Variants in NTRK3 observed in about 807,000 individuals in gnomAD.
NTRK3 encodes the protein neurotrophic receptor tyrosine kinase 3.
Under a neutral mutation model 91.7 loss-of-function variants are expected in NTRK3, and 24 were observed. The observed-to-expected ratio is 0.26, with a 90% CI of 0.19 to 0.37. The LOEUF is 0.37. NTRK3 is among the 10% of genes least tolerant of loss of function. The probability of loss-of-function intolerance (pLI) is 1.00; values close to 1 mark genes in which losing one functional copy is unlikely to be tolerated. For missense variants in NTRK3, 880 were observed against 1,068.9 expected (o/e 0.82, Z 2.46); for synonymous variants, 483 against 404.0 (o/e 1.20, Z -2.34).
At chr15:87,931,532 A>G (rs1427553442) in intron 16 of NTRK3, among the ~76,000 whole-genome samples, 2 of 152,228 alleles carry the variant, frequency 1.3e-5, no homozygotes, top group South Asian at 2.1e-4. Flanking sequence ...TCTAGGAGAG[A>G]AAATTAAGAT....
At chr15:88,080,030 G>A (rs1242385439) in intron 13 of NTRK3, among the ~76,000 whole-genome samples, 1 of 151,722 alleles carries the variant, frequency 6.6e-6, no homozygotes, top group Non-Finnish European at 1.5e-5. Flanking sequence ...TTTACATATT[G>A]TTCTACAACA....
At chr15:88,005,543 C>T (rs2076425737) in intron 14 of NTRK3, among the ~76,000 whole-genome samples, 1 of 152,298 alleles carries the variant, frequency 6.6e-6, no homozygotes, top group Non-Finnish European at 1.5e-5. Flanking sequence ...TCCCACTGCA[C>T]TCTGTGTGAT....
intron 6 of NTRK3, among the ~76,000 whole-genome samples, chr15:88,138,288 C>T (rs11073764): frequency 1 from 151,594 of 152,024 alleles, 75,583 homozygotes; most frequent in Middle Eastern, 1. Flanking sequence ...TGGGCACCTG[C>T]AGTCCCAGCT....
At chr15:87,927,494 T>C (rs570645240) in intron 17 of NTRK3, 1 of 152,306 alleles carries the variant, frequency 6.6e-6, no homozygotes, top group Non-Finnish European at 1.5e-5. Flanking sequence ...CACGGTATGA[T>C]CACTCATTTC....
At chr15:88,206,747 C>T (rs1180928038) in intron 3 of NTRK3, among the ~76,000 whole-genome samples, 1 of 152,130 alleles carries the variant, frequency 6.6e-6, no homozygotes, top group East Asian at 1.9e-4. Context: ...AGTGGCCAGG[C>T]GGGCGGGGCC....
At chr15:87,902,743 T>C (rs1162682818) in intron 17 of NTRK3, among the ~76,000 whole-genome samples, 2 of 152,080 alleles carry the variant, frequency 1.3e-5, no homozygotes, top group Non-Finnish European at 2.9e-5. Context: ...GAGAAAACAC[T>C]AGAAAATTCG....
chr15:88,137,623 G>C, intron 6 of NTRK3, 62 bp from the exon 7 acceptor site: 1 of 1,575,222 alleles, frequency 6.3e-7, no homozygotes. Context: ...GACCCTCCCA[G>C]GGCTATGAGG....
At chr15:88,244,319 A>G (rs1306866574) in intron 3 of NTRK3, among the ~76,000 whole-genome samples, 2 of 152,234 alleles carry the variant, frequency 1.3e-5, no homozygotes, top group Non-Finnish European at 2.9e-5. Flanking sequence ...ACCATCTCAT[A>G]GCAACTCTCC....
At chr15:88,126,587 G>A (rs866391876) in intron 12 of NTRK3, among the ~76,000 whole-genome samples, 2 of 152,140 alleles carry the variant, frequency 1.3e-5, no homozygotes, top group East Asian at 1.9e-4. Context: ...ATTAGAGAAA[G>A]TTCCACGATT....
At chr15:88,121,768 G>A (rs2052731700) in intron 13 of NTRK3, among the ~76,000 whole-genome samples, 2 of 152,182 alleles carry the variant, frequency 1.3e-5, no homozygotes, top group South Asian at 4.1e-4. Context: ...ATAGGGCAGT[G>A]CCCAGGACAT....
chr15:88,122,888 A>G (rs1222727696), intron 13 of NTRK3, among the ~76,000 whole-genome samples: 2 of 152,218 alleles, frequency 1.3e-5, no homozygotes, highest in Non-Finnish European at 2.9e-5. Flanking sequence ...TCAACAAGCA[A>G]TTGTCAAATG....
At chr15:88,120,873 A>G (rs1218108874) in intron 13 of NTRK3, among the ~76,000 whole-genome samples, 2 of 152,244 alleles carry the variant, frequency 1.3e-5, no homozygotes, top group African/African-American at 4.8e-5. Context: ...CTGGCACATC[A>G]CTGCATCTCT....
chr15:87,962,663 CCT>C (rs1227100553), intron 14 of NTRK3, among the ~76,000 whole-genome samples: 2 of 152,280 alleles, frequency 1.3e-5, no homozygotes, highest in East Asian at 3.9e-4. Flanking sequence ...GCTGGAAATG[CCT>C]CTCTCTGAAT....
chr15:88,062,141 C>T (rs927935895), intron 13 of NTRK3, among the ~76,000 whole-genome samples: 2 of 152,102 alleles, frequency 1.3e-5, no homozygotes, highest in Admixed American at 1.3e-4. Flanking sequence ...AGGTTATATG[C>T]AAATACTGTA....
chr15:88,011,046 C>T (rs1377028588), intron 14 of NTRK3, among the ~76,000 whole-genome samples: 1 of 152,150 alleles, frequency 6.6e-6, no homozygotes, highest in Non-Finnish European at 1.5e-5. Flanking sequence ...TTCGTTCCTT[C>T]CTGGTCCATG....
chr15:88,089,746 T>C (rs2048841886), intron 13 of NTRK3, among the ~76,000 whole-genome samples: 1 of 152,188 alleles, frequency 6.6e-6, no homozygotes, highest in South Asian at 2.1e-4. Context: ...CAGTCCTTCC[T>C]GCTTCCACCC....
Position 88,191,163 on chromosome 15 carries a change from C to CGTGTGTGTGTGT in NTRK3, c.249-6876_249-6865dup, listed in dbSNP as rs60048541. ...GGAGGCAGCTGAAGCTGATGTTTCCCGTGTGTGTGTGTGTGTGTGTGTGTG... is the reference window on the plus strand; with the variant it reads ...GGAGGCAGCTGAAGCTGATGTTTCCCGTGTGTGTGTGTGTGTGTGTGTGTGTGTGTGTGTGTG... On this transcript the variant is annotated intron_variant, in intron 3 of 18. Transcript: ENST00000394480. Among the ~76,000 whole-genome samples, 235 of 137,958 alleles carry CGTGTGTGTGTGT rather than the reference C, an allele frequency of 1.7e-3. 1 individual carries two copies. The highest frequency in any genetic ancestry group is 5.7e-3 in the African/African-American group (212 of 37,188). The allele number at this position is 137,958 out of a possible 152,430, so 90.5% of individuals were successfully genotyped here. A position where few individuals can be genotyped will look rare whatever the true frequency, so the allele number is the denominator to read the frequency against.
At chr15:87,889,590 A>G (rs781093606) in intron 17 of NTRK3, among the ~76,000 whole-genome samples, 4 of 151,906 alleles carry the variant, frequency 2.6e-5, no homozygotes, top group Middle Eastern at 3.4e-3. Flanking sequence ...CATATTGTCT[A>G]TGATTGCTTT....
rs146609035 is a variant in NTRK3, at chr15:88,082,027, A to G, written c.1396+44244T>C. Among the ~76,000 whole-genome samples, 271 of 152,348 alleles carry G rather than the reference A, an allele frequency of 1.8e-3. 3 individuals carry two copies. The highest frequency in any genetic ancestry group is 6.1e-3 in the African/African-American group (252 of 41,586). On this transcript the variant is annotated intron_variant, in intron 13 of 18. Transcript: ENST00000394480. ...CTCAGACTCTAAAAGGTTCACCTCC[A>G]GCACTTTGGGAGGCTGAGGCAGGCA...
Sources: gnomAD v4.1 joint callset for allele counts (sites outside exome capture counted in the v4.1 genomes callset) on GRCh38, gnomAD v4.1.1 for gene constraint, MANE v1.5 for transcripts, NCBI Gene and HGNC (gene_info 2026-07-23, HGNC 2026-07-21) for gene names.